LILRB2: variants seen among roughly 807,000 people sequenced by gnomAD.
The protein encoded by LILRB2 is leukocyte immunoglobulin like receptor B2.
A neutral mutation model predicts 72.7 loss-of-function variants in LILRB2; 47 were observed. The observed-to-expected ratio is 0.65, with a 90% CI of 0.51 to 0.82. LILRB2 has a LOEUF of 0.82. LILRB2 is among the 40% of genes least tolerant of loss of function. The pLI, the probability that LILRB2 is intolerant of heterozygous loss-of-function variation, is 0.00. For synonymous variants in LILRB2, 279 were observed against 313.7 expected (o/e 0.89, Z 1.17); for missense variants, 767 against 764.8 (o/e 1.00, Z -0.03).
intron 13 of LILRB2, chr19:54,275,689 C>T: frequency 3.3e-6 from 2 of 614,182 alleles, no homozygotes; most frequent in South Asian, 1.5e-5. Flanking sequence ...TATTCCTCAT[C>T]CTCCAGAGGC....
intron 8 of LILRB2, 127 bp downstream of exon 8, chr19:54,277,762 G>C: frequency 6.1e-6 from 8 of 1,303,322 alleles, no homozygotes; most frequent in Non-Finnish European, 8.6e-6. Context: ...CCCTCCTCTG[G>C]CTCTGCCCAG....
In LILRB2 at chr19:54,278,849, G is replaced by A. The variant is rs7247451; in HGVS notation, c.918C>T (p.Cys306=). ...CYGAHNLSSE[C]SAPSDPLDIL... Reference sequence around the variant, plus strand: ...TGTCCAGGGGGTCGCTGGGGGCCGAGCACTCAGAGGAGAGGTTGTGTGCAC... The same window carrying A: ...TGTCCAGGGGGTCGCTGGGGGCCGAACACTCAGAGGAGAGGTTGTGTGCAC... Residue 306 remains cysteine, a synonymous_variant, in exon 6 of 14, where the codon TGC becomes TGT. Transcript: ENST00000314446. The A allele has an allele frequency of 3.1e-6, 5 of 1,608,996 alleles. No individual in the cohort carries two copies. The Admixed American group carries it at 8.4e-5, about 27-fold the overall frequency.
Position 54,274,492 on chromosome 19 carries a change from A to T in LILRB2, c.*191T>A, listed in dbSNP as rs531150227. ...TATTGAGAAGTCTGTTGCTTTAATTAAAAAATGTAGGGATATTAGTTATTT... is the reference window on the plus strand; with the variant it reads ...TATTGAGAAGTCTGTTGCTTTAATTTAAAAATGTAGGGATATTAGTTATTT... On this transcript the variant is annotated 3_prime_UTR_variant, in exon 14 of 14. Coordinates refer to ENST00000314446, the MANE Select transcript of LILRB2 (RefSeq NM_001080978.4). 34 of 1,080,088 alleles carry T rather than the reference A, an allele frequency of 3.1e-5. No homozygotes were observed. The highest frequency in any genetic ancestry group is 3.9e-5 in the Non-Finnish European group (30 of 771,998). The allele number at this position is 1,080,088 out of a possible 1,614,324, so 66.9% of individuals were successfully genotyped here. A position where few individuals can be genotyped will look rare whatever the true frequency, so the allele number is the denominator to read the frequency against.
In LILRB2 at chr19:54,279,755, A is replaced by G. The variant is rs371551862; in HGVS notation, c.355+36T>C. ...CCCTGAGAGCCTCCTTCCTGAGGGC[A>G]GAGCCTGGGGCTGGGATCCCTGAGT... On this transcript the variant is annotated intron_variant, in intron 4 of 13. Transcript: ENST00000314446. 2.5e-4 allele frequency: 397 copies of G among 1,611,502 alleles called. No homozygotes were observed. In the South Asian group the frequency reaches 4.0e-3, roughly 16 times the overall value.
Position 54,276,902 on chromosome 19 carries a change from A to G in LILRB2, c.1385T>C (p.Ile462Thr). The G allele has an allele frequency of 5.0e-6, 8 of 1,613,996 alleles. No homozygotes were observed. In the South Asian group the frequency reaches 8.8e-5, roughly 18 times the overall value. ...SGLGRHLGVV[I>T]GILVAVVLLL... is the part of the protein sequence containing the mutation. ...TAGGACGACGGCCACCAAGATGCCG[A>G]TCACAACCCCCAGGTGCCTTCCCAG... Residue 462 changes from isoleucine (I) to threonine (T), a missense_variant, in exon 10 of 14, where the codon ATC (isoleucine) becomes ACC (threonine). Ile to Thr is a moderately conservative substitution (Grantham distance 89). Transcript: ENST00000314446.
rs902974041 is a variant in LILRB2, at chr19:54,279,080, C to T, written c.687G>A (p.Val229=). Residue 229 remains valine, a synonymous_variant, in exon 6 of 14, where the codon GTG becomes GTA. Coordinates refer to ENST00000314446, the MANE Select transcript of LILRB2 (RefSeq NM_001080978.4). ...CAGGGGCCATGACAGGACCCGGCTGCACTGAGAGTGATGGCTTCTTAGAAA... is the reference window on the plus strand; with the variant it reads ...CAGGGGCCATGACAGGACCCGGCTGTACTGAGAGTGATGGCTTCTTAGAAA... ...PGVSKKPSLS[V]QPGPVMAPGE... is the part of the protein sequence containing the mutation. 7.4e-6 allele frequency: 12 copies of T among 1,613,886 alleles called. No individual in the cohort carries two copies. The highest frequency in any genetic ancestry group is 1.0e-5 in the Non-Finnish European group (12 of 1,179,902).
chr19:54,280,164 A>T, intron 3 of LILRB2, 89 bp from the exon 4 acceptor site: 1 of 1,610,012 alleles, frequency 6.2e-7, no homozygotes, highest in Non-Finnish European at 8.5e-7. Flanking sequence ...TGCCCCCATC[A>T]GTCAGTCCAG....
chr19:54,279,775 C>T lies in LILRB2; in HGVS notation c.355+16G>A. The T allele has an allele frequency of 6.2e-7, 1 of 1,613,668 alleles. No homozygotes were observed. Among genetic ancestry groups the T allele is most frequent in the Non-Finnish European group, 8.5e-7 (1 of 1,179,680 alleles). On this transcript the variant is annotated intron_variant, in intron 4 of 13. Coordinates refer to ENST00000314446, the MANE Select transcript of LILRB2 (RefSeq NM_001080978.4). ...AGGGCAGAGCCTGGGGCTGGGATCC[C>T]TGAGTGTCCTCTCACCTGTCATCAC... is the stretch of plus-strand genomic sequence containing the variant.
At chr19:54,276,575 C>G in intron 10 of LILRB2, 119 bp from the exon 11 acceptor site, 1 of 1,438,296 alleles carries the variant, frequency 7.0e-7, no homozygotes, top group Non-Finnish European at 9.4e-7. Flanking sequence ...TTCCAAATGC[C>G]TCATGAGATG....
intron 13 of LILRB2, chr19:54,275,320 C>G (rs111973932): frequency 3.0e-5 from 17 of 571,514 alleles, no homozygotes; most frequent in Non-Finnish European, 4.8e-5. Flanking sequence ...GGCCTTTGCA[C>G]GGCTGTTTCC....
At chr19:54,277,221 C>G in intron 9 of LILRB2, 1 of 1,536,956 alleles carries the variant, frequency 6.5e-7, no homozygotes. Context: ...AGGGAAAGAG[C>G]CTTACCGTCC....
rs1201644072 is a variant in LILRB2 at position 54,280,516 on chromosome 19, C to T, written c.-20G>A. ...GGTCATGGCGTCTCCTCCCACTGCC[C>T]TGCTCTGCGGATGGATGAGCCCTCG... On this transcript the variant is annotated 5_prime_UTR_variant, in exon 2 of 14. Transcript: ENST00000314446. The T allele has an allele frequency of 1.1e-5, 17 of 1,614,046 alleles. No homozygotes were observed. Among genetic ancestry groups the T allele is most frequent in the Non-Finnish European group, 1.4e-5 (17 of 1,179,980 alleles).
chr19:54,277,567 C>T lies in LILRB2; in HGVS notation c.1340G>A (p.Gly447Glu), dbSNP rs1161276389. The change falls in exon 9 of 14, where the codon GGG becomes GAG. Residue 447 changes from glycine (G) to glutamate (E), a missense_variant. By Grantham distance (98) the Gly-to-Glu change is moderately conservative (BLOSUM62 -2). This residue lies in a region of LILRB2 where 6 missense variants were observed against 19.9 expected (regional missense o/e 0.30). Coordinates refer to ENST00000314446, the MANE Select transcript of LILRB2 (RefSeq NM_001080978.4). ...TCACTCACCACTTTGGGGATCCGACCCAGTGGGGGTGAGGGGCTGGTCCTC... is the reference window on the plus strand; with the variant it reads ...TCACTCACCACTTTGGGGATCCGACTCAGTGGGGGTGAGGGGCTGGTCCTC... ...GPEDQPLTPT[G>E]SDPQSGLGRH... 6.3e-6 allele frequency: 10 copies of T among 1,577,470 alleles called. No homozygotes were observed. The highest frequency in any genetic ancestry group is 2.6e-6 in the Non-Finnish European group (3 of 1,160,510).
chr19:54,279,935 TAATCCAAGATG>T lies in LILRB2; in HGVS notation c.200_210del (p.Ala67AspfsTer38). 1 of 1,614,142 alleles carries T rather than the reference TAATCCAAGATG, an allele frequency of 6.2e-7. No individual in the cohort carries two copies. The highest frequency in any genetic ancestry group is 8.5e-7 in the Non-Finnish European group (1 of 1,180,000). ...TTCACAAGCTCTGGTCGTATCCGTGTAATCCAAGATGCTGATTTTTTCTCCCTATATAGACG... is the reference window on the plus strand; with the variant it reads ...TTCACAAGCTCTGGTCGTATCCGTGTCTGATTTTTTCTCCCTATATAGACG... On this transcript the variant is annotated frameshift_variant, in exon 4 of 14. Coordinates refer to ENST00000314446, the MANE Select transcript of LILRB2 (RefSeq NM_001080978.4). LOFTEE classifies it high-confidence loss of function.
At chr19:54,277,155 C>A (rs1430552080) in intron 9 of LILRB2, 3 of 1,505,586 alleles carry the variant, frequency 2.0e-6, no homozygotes, top group Non-Finnish European at 2.7e-6. Flanking sequence ...GGAAGGGAGC[C>A]TGGGAGTCTG....
chr19:54,276,770 C>T lies in LILRB2; in HGVS notation c.1480+37G>A, dbSNP rs1358217578. ...TCTTTGGCTGTGCCCTGAGCCCACC[C>T]TCGGTCGGCCCACAGGGTTTCCCCT... On this transcript the variant is annotated intron_variant, in intron 10 of 13. Transcript: ENST00000314446. 4.4e-6 allele frequency: 7 copies of T among 1,602,994 alleles called. No homozygotes were observed. In the South Asian group the frequency reaches 4.5e-5, roughly 10 times the overall value.
At position 54,279,617 on chromosome 19, in the gene LILRB2, T is replaced by A. The variant is rs752147208; in HGVS notation, c.386A>T (p.Gln129Leu). The change falls in exon 5 of 14, where the codon CAG (glutamine) becomes CTG (leucine). Residue 129 changes from glutamine to leucine, a missense_variant. Around this residue, in one of 3 missense-constraint regions of LILRB2, gnomAD observed 599 missense variants for 568.2 expected, o/e 1.05. Transcript: ENST00000314446. ...GAYPKPTLSA[Q>L]PSPVVTSGGR... ...TCCTGAGGTCACCACAGGGCTGGGC[T>A]GGGCTGAGAGGGTGGGTTTTGGGTA... The A allele has an allele frequency of 3.7e-6, 6 of 1,613,860 alleles. No individual in the cohort carries two copies. Among genetic ancestry groups the A allele is most frequent in the East Asian group, 2.2e-5 (1 of 44,860 alleles).
chr19:54,277,665 TCC>T, intron 8 of LILRB2, 68 bp from the exon 9 acceptor site: 1 of 1,515,268 alleles, frequency 6.6e-7, no homozygotes, highest in Non-Finnish European at 8.9e-7. Flanking sequence ...CGGCTGCTCC[TCC>T]CCCAGGCTGG....
intron 12 of LILRB2, 127 bp downstream of exon 12, chr19:54,276,137 A>G: frequency 6.4e-7 from 1 of 1,558,876 alleles, no homozygotes; most frequent in Non-Finnish European, 8.8e-7. Flanking sequence ...GAGGTCCCAC[A>G]GTGTGGGGTG....
Sources: allele counts gnomAD v4.1 joint callset, GRCh38; gene constraint gnomAD v4.1.1; regional missense constraint gnomAD v4.1.1; transcripts MANE v1.5; gene names NCBI Gene and HGNC (gene_info 2026-07-23, HGNC 2026-07-21).